PDE9A: variants seen among roughly 807,000 people sequenced by gnomAD.
PDE9A encodes the protein phosphodiesterase 9A.
Under a neutral mutation model 87.4 loss-of-function variants are expected in PDE9A, and 60 were observed. The observed-to-expected ratio is 0.69, with a 90% confidence interval of 0.56 to 0.85. The LOEUF (loss-of-function observed/expected upper bound fraction) is 0.85. Among genes scored for constraint, PDE9A ranks in the 40% least tolerant of loss-of-function variants. PDE9A has a pLI of 0.00. For synonymous variants in PDE9A, 272 were observed against 279.4 expected, an observed-to-expected ratio of 0.97 and a Z score of 0.27; for missense variants, 665 against 779.0, an observed-to-expected ratio of 0.85 and a Z score of 1.74.
At chr21:42,708,775 C>T (rs1229551534) in intron 4 of PDE9A, among the ~76,000 whole-genome samples, 1 of 152,122 alleles carries the variant, frequency 6.6e-6, no homozygotes, top group Non-Finnish European at 1.5e-5. Context: ...AGGCTGATCT[C>T]GAACTCCTGA....
Position 42,675,009 on chromosome 21 carries a change from A to G in PDE9A, c.70-11183A>G, listed in dbSNP as rs1257955090. On this transcript the variant is annotated intron_variant, in intron 1 of 19. Coordinates refer to ENST00000291539, the MANE Select transcript of PDE9A (RefSeq NM_002606.3). This position sits in a 1 kb window ranked among gnomAD's most constrained non-coding sequence, Gnocchi z 4.3. ...TGAAAAATGCAGAACAGTATCAGGG[A>G]GAAAATAACTCATCCCCCACTACCC... Among the ~76,000 whole-genome samples, 5 of 152,214 alleles carry G rather than the reference A, an allele frequency of 3.3e-5. No individual in the cohort carries two copies. Among genetic ancestry groups the G allele is most frequent in the Non-Finnish European group, 7.3e-5 (5 of 68,046 alleles).
At position 42,704,681 on chromosome 21, in the gene PDE9A, T is replaced by C. The variant is rs2146382488; in HGVS notation, c.262+5670T>C. Among the ~76,000 whole-genome samples, 1 of 149,304 alleles carries C rather than the reference T, an allele frequency of 6.7e-6. No homozygotes were observed. The highest frequency in any genetic ancestry group is 2.0e-4 in the East Asian group (1 of 4,934). On this transcript the variant is annotated intron_variant, in intron 4 of 19. Transcript: ENST00000291539. The surrounding 1 kb of genome is among the most constrained non-coding windows in gnomAD (Gnocchi z 5.3). ...AAGCAACCCCAGGTGCCCTTGTGAA[T>C]CAACAGACCACATTTCCAGTGGCAG...
intron 7 of PDE9A, among the ~76,000 whole-genome samples, chr21:42,738,557 T>G (rs2052736202): frequency 6.6e-6 from 1 of 152,070 alleles, no homozygotes; most frequent in Admixed American, 6.6e-5. Flanking sequence ...GACCCCCAGC[T>G]CAGCTCTTCC....
rs533768168 is a variant in PDE9A, at chr21:42,713,824, T to C, written c.262+14813T>C. ...CACTTGATTTAGCCATTCTACAATGTATATATTTCAAAACATCATCTTGAC... is the reference window on the plus strand; with the variant it reads ...CACTTGATTTAGCCATTCTACAATGCATATATTTCAAAACATCATCTTGAC... On this transcript the variant is annotated intron_variant, in intron 4 of 19. Coordinates refer to ENST00000291539, the MANE Select transcript of PDE9A (RefSeq NM_002606.3). Among the ~76,000 whole-genome samples the C allele has an allele frequency of 1.2e-4, 19 of 152,222 alleles. No homozygotes were observed. In the South Asian group the frequency reaches 1.9e-3, roughly 15 times the overall value.
At chr21:42,769,248 TAC>T (rs2056683947) in intron 17 of PDE9A, 93 bp downstream of exon 17, 1 of 1,198,782 alleles carries the variant, frequency 8.3e-7, no homozygotes, top group South Asian at 1.4e-5. Flanking sequence ...TGCACACAGG[TAC>T]ACACAGACAC....
rs2051627515 is a variant in PDE9A at position 42,730,617 on chromosome 21, ACTCT to A, written c.263-1150_263-1147del. Among the ~76,000 whole-genome samples the A allele has an allele frequency of 1.1e-4, 17 of 152,292 alleles. No homozygotes were observed. In the South Asian group the frequency reaches 3.5e-3, roughly 32 times the overall value. On this transcript the variant is annotated intron_variant, in intron 4 of 19. Coordinates refer to ENST00000291539, the MANE Select transcript of PDE9A (RefSeq NM_002606.3). Reference sequence around the variant, plus strand: ...CCAATATGTTTTCAAAAGCAGGATCACTCTCTATGACTGCTTTAAAATCTTTTTT... The same window carrying A: ...CCAATATGTTTTCAAAAGCAGGATCACTATGACTGCTTTAAAATCTTTTTT...
At chr21:42,669,306 G>A (rs537543698) in intron 1 of PDE9A, among the ~76,000 whole-genome samples, 1 of 152,190 alleles carries the variant, frequency 6.6e-6, no homozygotes, top group South Asian at 2.1e-4. Context: ...CAGCAGTTTG[G>A]GAATTGCGGC....
intron 1 of PDE9A, among the ~76,000 whole-genome samples, chr21:42,655,939 G>A (rs546544523): frequency 3.3e-5 from 5 of 152,170 alleles, no homozygotes; most frequent in East Asian, 1.9e-4. Flanking sequence ...AAGCTGAATC[G>A]TTTGCCCAAG....
At chr21:42,763,465 C>G (rs2056035307) in intron 14 of PDE9A, among the ~76,000 whole-genome samples, 1 of 152,182 alleles carries the variant, frequency 6.6e-6, no homozygotes, top group South Asian at 2.1e-4. Flanking sequence ...GATGCAGCCC[C>G]AAACTAAGGG....
intron 17 of PDE9A, among the ~76,000 whole-genome samples, chr21:42,769,784 A>T (rs1023519718): frequency 8.0e-6 from 1 of 124,968 alleles, no homozygotes; most frequent in African/African-American, 3.3e-5. Context: ...ACAGGTACAC[A>T]CAGGCACACC....
At chr21:42,706,023 G>A (rs1049275056) in intron 4 of PDE9A, among the ~76,000 whole-genome samples, 3 of 152,218 alleles carry the variant, frequency 2.0e-5, no homozygotes, top group African/African-American at 7.2e-5. Flanking sequence ...CAGAGTGCGT[G>A]CTTGAGCTTC....
intron 4 of PDE9A, among the ~76,000 whole-genome samples, chr21:42,727,077 C>CAAAAAAA (rs34249348): frequency 1.2e-5 from 1 of 81,686 alleles, no homozygotes; most frequent in African/African-American, 4.9e-5. Flanking sequence ...TCTATTTCTA[C>CAAAAAAA]AAAAAAAAAA....
chr21:42,694,182 C>T lies in PDE9A; in HGVS notation c.219-4786C>T, dbSNP rs922165804. The stretch of plus-strand genomic sequence containing the variant: ...CCCTCTCCCTCTAGCTCAGAAGCTA[C>T]GTCAGCAGTTGGTTGGTTGGTTGGT... On this transcript the variant is annotated intron_variant, in intron 3 of 19. Coordinates refer to ENST00000291539, the MANE Select transcript of PDE9A (RefSeq NM_002606.3). This position sits in a 1 kb window ranked among gnomAD's most constrained non-coding sequence, Gnocchi z 5.3. Among the ~76,000 whole-genome samples the T allele has an allele frequency of 6.6e-6, 1 of 152,200 alleles. No individual in the cohort carries two copies. The highest frequency in any genetic ancestry group is 2.4e-5 in the African/African-American group (1 of 41,430).
chr21:42,717,653 A>G (rs1224820428), intron 4 of PDE9A, among the ~76,000 whole-genome samples: 1 of 151,316 alleles, frequency 6.6e-6, no homozygotes, highest in Admixed American at 6.6e-5. Context: ...CGGCCTCCCA[A>G]AGTGCTGGGA....
At chr21:42,719,835 T>A (rs1275692754) in intron 4 of PDE9A, among the ~76,000 whole-genome samples, 1 of 152,110 alleles carries the variant, frequency 6.6e-6, no homozygotes, top group East Asian at 1.9e-4. Flanking sequence ...CCTGTTAAAG[T>A]CCACAGATGG....
At chr21:42,747,822 CA>C (rs1166431548) in intron 8 of PDE9A, among the ~76,000 whole-genome samples, 3 of 152,256 alleles carry the variant, frequency 2.0e-5, no homozygotes, top group African/African-American at 7.2e-5. Context: ...GCGTTCATCC[CA>C]AACAAATGGC....
At chr21:42,670,782 C>A (rs1255082718) in intron 1 of PDE9A, among the ~76,000 whole-genome samples, 4 of 152,120 alleles carry the variant, frequency 2.6e-5, no homozygotes, top group African/African-American at 9.7e-5. Flanking sequence ...CACTCTGACA[C>A]ACATATACAT....
chr21:42,738,060 T>G (rs1010094834), intron 7 of PDE9A, among the ~76,000 whole-genome samples: 17 of 152,128 alleles, frequency 1.1e-4, no homozygotes, highest in African/African-American at 4.1e-4. Context: ...GGTGAAACAT[T>G]AAAAAGAGAT....
intron 1 of PDE9A, among the ~76,000 whole-genome samples, chr21:42,661,462 G>T (rs1384241799): frequency 6.6e-6 from 1 of 151,162 alleles, no homozygotes; most frequent in Non-Finnish European, 1.5e-5. Context: ...TGAGTGCGGG[G>T]ACCTCACAGA....
Sources: allele counts gnomAD v4.1 joint callset (sites outside exome capture counted in the v4.1 genomes callset), GRCh38; gene constraint gnomAD v4.1.1; non-coding constraint Gnocchi (gnomAD v3.1); transcripts MANE v1.5; gene names NCBI Gene and HGNC (gene_info 2026-07-23, HGNC 2026-07-21).